The following CELF2 variants were observed in gnomAD, a reference collection of about 807,000 sequenced individuals.
CELF2 encodes the protein CUG triplet repeat RNA-binding protein 2.
Under a neutral mutation model 62.6 loss-of-function variants are expected in CELF2, and 8 were observed. That is an observed-to-expected ratio of 0.13 (90% CI 0.07 to 0.23). CELF2 has a LOEUF of 0.23. Ranked by LOEUF, CELF2 falls within the 10% of genes least tolerant of loss-of-function variation. CELF2 has a pLI of 1.00. For missense variants in CELF2, 333 were observed against 671.0 expected (o/e 0.50, Z 5.56); for synonymous variants, 258 against 250.0 (o/e 1.03, Z -0.30).
the CELF2 span, among the ~76,000 whole-genome samples, chr10:10,696,312 C>CTCAGGGG: frequency 3.3e-5 from 5 of 151,874 alleles, no homozygotes; most frequent in Non-Finnish European, 7.4e-5. Flanking sequence ...AGTTAGGCTG[C>CTCAGGGG]TCAGGGGTCA....
Position 10,812,233 on chromosome 10 carries a change from G to A in CELF2, c.53+13416G>A, listed in dbSNP as rs59801486. Among the ~76,000 whole-genome samples the A allele has an allele frequency of 4.6e-3, 694 of 152,262 alleles. 1 individual carries two copies. The highest frequency in any genetic ancestry group is 0.016 in the African/African-American group (646 of 41,556). On this transcript the variant is annotated intron_variant, in intron 1 of 13. Coordinates refer to the CELF2 transcript ENST00000636488. ...AGGCATGTCTTACATGGTGGCAAAC[G>A]AGAGAATAAAGCCAAGCAAAAGGGG...
intron 2 of CELF2, among the ~76,000 whole-genome samples, chr10:10,962,165 A>G (rs1329427057): frequency 6.6e-6 from 1 of 152,196 alleles, no homozygotes; most frequent in African/African-American, 2.4e-5. Flanking sequence ...ACGAGAAAAG[A>G]AAAGAAAAAA....
chr10:10,982,551 A>G lies in CELF2; in HGVS notation c.89+62552A>G, dbSNP rs543258831. On this transcript the variant is annotated intron_variant, in intron 2 of 13. Transcript: ENST00000636488. ...AGGCTACAGGCCCCAAAGGAAGGAC[A>G]TGAGGACAGAACAAGGAGGAATGAG... Among the ~76,000 whole-genome samples, 221 of 152,368 alleles carry G rather than the reference A, an allele frequency of 1.5e-3. 2 individuals are homozygous for G. The highest frequency in any genetic ancestry group is 2.6e-3 in the Non-Finnish European group (177 of 68,026).
chr10:10,788,021 G>C, the CELF2 span, among the ~76,000 whole-genome samples: 1 of 152,124 alleles, frequency 6.6e-6, no homozygotes, highest in Non-Finnish European at 1.5e-5. Context: ...TTAGAAAATT[G>C]CTTAACATCA....
At chr10:10,933,204 G>A (rs2066271924) in intron 2 of CELF2, among the ~76,000 whole-genome samples, 1 of 152,054 alleles carries the variant, frequency 6.6e-6, no homozygotes, top group Non-Finnish European at 1.5e-5. Context: ...TCAGGAGGCT[G>A]AGGTGGGAGG....
intron 3 of CELF2, among the ~76,000 whole-genome samples, chr10:11,219,987 A>G (rs1565378055): frequency 2.0e-5 from 3 of 152,236 alleles, no homozygotes; most frequent in East Asian, 1.9e-4. Flanking sequence ...GTACACTACT[A>G]TTTTAACTGG....
the CELF2 span, among the ~76,000 whole-genome samples, chr10:10,747,704 A>G: frequency 6.6e-6 from 1 of 152,254 alleles, no homozygotes; most frequent in South Asian, 2.1e-4. Context: ...GTCTGGGTAT[A>G]TAGATATATA....
chr10:10,738,433 T>C, the CELF2 span, among the ~76,000 whole-genome samples: 1 of 152,152 alleles, frequency 6.6e-6, no homozygotes, highest in Non-Finnish European at 1.5e-5. Flanking sequence ...AACACTCCCT[T>C]GGCCAGGTGA....
chr10:11,047,499 A>G (rs1266547050), intron 1 of CELF2, among the ~76,000 whole-genome samples: 11 of 152,198 alleles, frequency 7.2e-5, no homozygotes, highest in Admixed American at 4.6e-4. Context: ...GTCTCTGACC[A>G]TGGCATCTTC....
At chr10:11,162,693 A>G (rs1313014795) in intron 1 of CELF2, among the ~76,000 whole-genome samples, 1 of 152,196 alleles carries the variant, frequency 6.6e-6, no homozygotes, top group Non-Finnish European at 1.5e-5. Flanking sequence ...TATTTAGGAT[A>G]GGAATTGTGG....
chr10:11,275,865 G>C (rs752089914), intron 8 of CELF2, among the ~76,000 whole-genome samples: 2 of 152,092 alleles, frequency 1.3e-5, no homozygotes, highest in Admixed American at 6.5e-5. Flanking sequence ...GGCAGCGAGC[G>C]CAATAAATCA....
chr10:11,011,502 A>G lies in CELF2; in HGVS notation c.53+6062A>G, dbSNP rs2056460137. On this transcript the variant is annotated intron_variant, in intron 1 of 12. Coordinates refer to the CELF2 transcript ENST00000416382. This position sits in a 1 kb window ranked among gnomAD's most constrained non-coding sequence, Gnocchi z 4.6. Reference sequence around the variant, plus strand: ...AACGCAAAATACAATCCTTAGCTTCATCTCCTTTCTTCCTCAGACCCTAAT... The same window carrying G: ...AACGCAAAATACAATCCTTAGCTTCGTCTCCTTTCTTCCTCAGACCCTAAT... Among the ~76,000 whole-genome samples, 1 of 151,266 alleles carries G rather than the reference A, an allele frequency of 6.6e-6. No homozygotes were observed. The highest frequency in any genetic ancestry group is 2.1e-4 in the South Asian group (1 of 4,812).
chr10:10,969,797 A>G (rs1489415040), intron 2 of CELF2, among the ~76,000 whole-genome samples: 1 of 152,242 alleles, frequency 6.6e-6, no homozygotes, highest in Non-Finnish European at 1.5e-5. Context: ...GAAGGTGTTT[A>G]TCCCTCATGT....
intron 1 of CELF2, among the ~76,000 whole-genome samples, chr10:11,024,878 T>A (rs1049078319): frequency 7.2e-5 from 11 of 152,230 alleles, no homozygotes; most frequent in African/African-American, 2.7e-4. Context: ...ACAGCTTAAA[T>A]TGTTTCTGGT....
Position 10,925,813 on chromosome 10 carries a change from A to G in CELF2, c.89+5814A>G, listed in dbSNP as rs12098697. 2.2e-3 allele frequency among the ~76,000 whole-genome samples: 342 copies of G among 152,196 alleles called. 4 individuals are homozygous for G. The highest frequency in any genetic ancestry group is 8.0e-3 in the African/African-American group (331 of 41,538). On this transcript the variant is annotated intron_variant, in intron 2 of 13. Coordinates refer to the CELF2 transcript ENST00000636488. ...AAATATGAAACAAACCCTCTGGCCT[A>G]AGTGACTGGTTTCCATACCTTTCAC...
intron 1 of CELF2, among the ~76,000 whole-genome samples, chr10:11,025,412 G>A (rs1201264993): frequency 2.0e-5 from 3 of 152,020 alleles, no homozygotes; most frequent in African/African-American, 4.8e-5. Context: ...TGCTGTCCTC[G>A]TGGTAGCGAG....
chr10:10,615,449 G>A, the CELF2 span, among the ~76,000 whole-genome samples: 1 of 152,054 alleles, frequency 6.6e-6, no homozygotes, highest in Non-Finnish European at 1.5e-5. Context: ...ATTATTTAGT[G>A]CCATGTTTTC....
intron 1 of CELF2, chr10:11,030,952 A>G (rs899438727): frequency 5.3e-5 from 8 of 152,260 alleles, no homozygotes; most frequent in African/African-American, 1.9e-4. Flanking sequence ...TAAAGAAGCA[A>G]TTAACATTGA....
the CELF2 span, among the ~76,000 whole-genome samples, chr10:10,743,490 CT>C: frequency 1.1e-4 from 17 of 152,330 alleles, no homozygotes; most frequent in Middle Eastern, 3.4e-3. Context: ...ATGATCACCC[CT>C]GATGAGAAGA....
Sources: gnomAD v4.1 joint callset for allele counts (sites outside exome capture counted in the v4.1 genomes callset) on GRCh38, gnomAD v4.1.1 for gene constraint, Gnocchi (gnomAD v3.1) non-coding constraint, MANE v1.5 for transcripts, NCBI Gene and HGNC (gene_info 2026-07-23, HGNC 2026-07-21) for gene names.